HS3ST3A1: variants seen among roughly 807,000 people sequenced by gnomAD.
HS3ST3A1 encodes the protein heparan sulfate-glucosamine 3-sulfotransferase 3A1.
A neutral mutation model predicts 25.7 loss-of-function variants in HS3ST3A1; 19 were observed. The observed-to-expected ratio is 0.74, with a 90% CI of 0.52 to 1.08. The LOEUF is 1.08. Ranked by LOEUF, HS3ST3A1 falls within the 50% of genes least tolerant of loss-of-function variation. HS3ST3A1 has a pLI of 0.00. For synonymous variants in HS3ST3A1, 226 were observed against 278.6 expected, an observed-to-expected ratio of 0.81 and a Z score of 1.88; for missense variants, 459 against 594.3, an observed-to-expected ratio of 0.77 and a Z score of 2.37.
At chr17:13,546,682 G>A (rs1878522302) in intron 1 of HS3ST3A1, among the ~76,000 whole-genome samples, 1 of 152,188 alleles carries the variant, frequency 6.6e-6, no homozygotes, top group South Asian at 2.1e-4. Context: ...TGACTAAAAT[G>A]TGATTATTCA....
At chr17:13,578,305 T>C (rs1304604488) in intron 1 of HS3ST3A1, among the ~76,000 whole-genome samples, 2 of 151,110 alleles carry the variant, frequency 1.3e-5, no homozygotes, top group South Asian at 2.1e-4. Context: ...CTCAGAGCTT[T>C]GTGAGGCCGA....
chr17:13,560,473 C>G (rs964068883), intron 1 of HS3ST3A1, among the ~76,000 whole-genome samples: 1 of 151,770 alleles, frequency 6.6e-6, no homozygotes, highest in Non-Finnish European at 1.5e-5. Context: ...ACGTGTATTA[C>G]CTACAAACAA....
chr17:13,504,622 A>G (rs2052010), intron 1 of HS3ST3A1, among the ~76,000 whole-genome samples: 8,880 of 152,142 alleles, frequency 0.058, 321 homozygotes, highest in Admixed American at 0.099. Flanking sequence ...CCTTTTTTCT[A>G]TTTATGTTGT....
intron 1 of HS3ST3A1, among the ~76,000 whole-genome samples, chr17:13,553,650 A>G (rs1159190066): frequency 1.3e-5 from 2 of 152,190 alleles, no homozygotes; most frequent in East Asian, 3.9e-4. Context: ...TGTCCACATC[A>G]TCCCTTGTTT....
At chr17:13,505,909 A>G (rs1201532459) in intron 1 of HS3ST3A1, among the ~76,000 whole-genome samples, 1 of 151,738 alleles carries the variant, frequency 6.6e-6, no homozygotes, top group African/African-American at 2.4e-5. Context: ...CTGTAATCCC[A>G]GTACTCAGGA....
intron 1 of HS3ST3A1, among the ~76,000 whole-genome samples, chr17:13,590,909 G>T (rs896878718): frequency 1.8e-5 from 2 of 112,976 alleles, no homozygotes; most frequent in African/African-American, 3.1e-5. Flanking sequence ...CACTGGATTG[G>T]GGGGGGATCC....
chr17:13,546,473 G>A (rs113838919), intron 1 of HS3ST3A1, among the ~76,000 whole-genome samples: 2,880 of 152,204 alleles, frequency 0.019, 98 homozygotes, highest in African/African-American at 0.066. Flanking sequence ...TCACCATGTT[G>A]GCCAAGATGG....
chr17:13,534,679 T>C (rs974273212), intron 1 of HS3ST3A1, among the ~76,000 whole-genome samples: 1 of 150,342 alleles, frequency 6.7e-6, no homozygotes, highest in African/African-American at 2.5e-5. Context: ...CAGTGAGCCA[T>C]GATGCTGCCA....
chr17:13,540,055 T>C (rs1029946701), intron 1 of HS3ST3A1, among the ~76,000 whole-genome samples: 9 of 152,236 alleles, frequency 5.9e-5, no homozygotes, highest in Admixed American at 2.0e-4. Flanking sequence ...GATAGACTTC[T>C]CTTTTGTGTT....
chr17:13,564,037 C>G (rs973449305), intron 1 of HS3ST3A1, among the ~76,000 whole-genome samples: 16 of 152,242 alleles, frequency 1.1e-4, no homozygotes, highest in African/African-American at 3.9e-4. Flanking sequence ...AGCTGAATTA[C>G]CATTGCTCTT....
At chr17:13,499,471 C>A (rs1447174069) in intron 1 of HS3ST3A1, among the ~76,000 whole-genome samples, 2 of 152,122 alleles carry the variant, frequency 1.3e-5, no homozygotes, top group Non-Finnish European at 2.9e-5. Flanking sequence ...AAAAAGCCAT[C>A]ATTACTTTCT....
At chr17:13,558,003 C>T (rs1907427865) in intron 1 of HS3ST3A1, among the ~76,000 whole-genome samples, 1 of 152,188 alleles carries the variant, frequency 6.6e-6, no homozygotes, top group African/African-American at 2.4e-5. Flanking sequence ...CTTTACTTAA[C>T]ACCATTAAAT....
chr17:13,504,728 G>A (rs193237821), intron 1 of HS3ST3A1, among the ~76,000 whole-genome samples: 25 of 152,196 alleles, frequency 1.6e-4, no homozygotes, highest in Admixed American at 5.9e-4. Context: ...GGGTATTTGC[G>A]AAGCCCACTA....
At chr17:13,565,768 C>A (rs1327844809) in intron 1 of HS3ST3A1, among the ~76,000 whole-genome samples, 1 of 152,146 alleles carries the variant, frequency 6.6e-6, no homozygotes. Flanking sequence ...GTCTTTCTTG[C>A]TAAAGCATGT....
At chr17:13,588,875 G>A (rs1243651002) in intron 1 of HS3ST3A1, among the ~76,000 whole-genome samples, 8 of 152,122 alleles carry the variant, frequency 5.3e-5, no homozygotes, top group African/African-American at 1.4e-4. Flanking sequence ...TAGTAGAGAC[G>A]GGGTTTCACC....
intron 1 of HS3ST3A1, among the ~76,000 whole-genome samples, chr17:13,512,759 A>T (rs565334659): frequency 2.6e-4 from 39 of 152,132 alleles, no homozygotes; most frequent in African/African-American, 8.7e-4. Context: ...AAATTAAGGG[A>T]TAAAAAAATA....
chr17:13,595,849 TG>T (rs1567633475), intron 1 of HS3ST3A1, among the ~76,000 whole-genome samples: 80 of 135,126 alleles, frequency 5.9e-4, no homozygotes, highest in East Asian at 1.0e-3. Flanking sequence ...CCTTTTTGGT[TG>T]TTGTTGTTGT....
At chr17:13,536,496 C>T (rs1906774547) in intron 1 of HS3ST3A1, among the ~76,000 whole-genome samples, 1 of 152,176 alleles carries the variant, frequency 6.6e-6, no homozygotes, top group Admixed American at 6.5e-5. Context: ...TCTGCACTGT[C>T]ACATGGTTCC....
chr17:13,521,165 C>T (rs1906223001), intron 1 of HS3ST3A1, among the ~76,000 whole-genome samples: 1 of 152,186 alleles, frequency 6.6e-6, no homozygotes, highest in Non-Finnish European at 1.5e-5. Context: ...GGTTGGTCTA[C>T]AGACTCCATC....
Sources: allele counts gnomAD v4.1 joint callset (sites outside exome capture counted in the v4.1 genomes callset), GRCh38; gene constraint gnomAD v4.1.1; transcripts MANE v1.5; gene names NCBI Gene and HGNC (gene_info 2026-07-23, HGNC 2026-07-21).